CTSO: variants seen among roughly 807,000 people sequenced by gnomAD.
CTSO encodes cathepsin O.
In CTSO, 40 loss-of-function variants were observed where a neutral mutation model predicts 42.4. The observed-to-expected ratio is 0.94, with a 90% confidence interval of 0.73 to 1.23. The LOEUF is 1.23. CTSO is among the 50% of genes most tolerant of loss of function. The probability of loss-of-function intolerance (pLI) is 0.00; values close to 1 mark genes in which losing one functional copy is unlikely to be tolerated. For synonymous variants in CTSO, 156 were observed against 146.2 expected (o/e 1.07, Z -0.48); for missense variants, 441 against 396.0 (o/e 1.11, Z -0.96).
chr4:155,953,833 C>A lies in CTSO; in HGVS notation c.15G>T (p.Ala5=). 5 of 1,299,200 alleles carry A rather than the reference C, an allele frequency of 3.8e-6. No homozygotes were observed. Among genetic ancestry groups the A allele is most frequent in the South Asian group, 4.8e-5 (2 of 41,600 alleles). The allele number at this position is 1,299,200 out of a possible 1,614,324, so 80.5% of individuals were successfully genotyped here. The change falls in exon 1 of 8, where the codon GCG becomes GCT. Residue 5 remains alanine, a synonymous_variant. Transcript: ENST00000433477. MDVR[A]LPWLPWLLWL... ...ACAGCAGCCACGGCAGCCACGGCAG[C>A]GCCCGCACGTCCATTGCGGCGCCCG...
chr4:155,928,715 A>T (rs955732673), intron 6 of CTSO, among the ~76,000 whole-genome samples: 4 of 152,234 alleles, frequency 2.6e-5, no homozygotes, highest in Non-Finnish European at 5.9e-5. Flanking sequence ...TCAGAAAAAG[A>T]AAAAAGAACT....
rs947065360 is a variant in CTSO at position 155,953,756 on chromosome 4, G to T, written c.92C>A (p.Pro31Gln). ...GDADSRAPFT[P>Q]TWPRSREREA... ...ACGCTCGCGGCTCCGCGGCCAGGTC[G>T]GGGTGAAGGGGGCGCGGGAGTCCGC... Residue 31 changes from proline to glutamine, a missense_variant, in exon 1 of 8, where the codon CCG (proline) becomes CAG (glutamine). Pro to Gln is a moderately conservative substitution (Grantham distance 76). Transcript: ENST00000433477. 2.3e-6 allele frequency: 3 copies of T among 1,303,784 alleles called. No individual in the cohort carries two copies. The African/African-American group carries it at 4.6e-5, about 20-fold the overall frequency. 80.8% of individuals were successfully genotyped at this position (1,303,784 alleles called of 1,614,324 possible).
In CTSO at chr4:155,937,590, T is replaced by C. The variant is rs1743351968; in HGVS notation, c.553-107A>G. On this transcript the variant is annotated intron_variant, in intron 4 of 7. Coordinates refer to ENST00000433477, the MANE Select transcript of CTSO (RefSeq NM_001334.3). ...GGTTCAATTTCACACACCTTCATCA[T>C]GTGGATATACTTTGCGTTCTTTTTT... 5 of 1,018,870 alleles carry C rather than the reference T, an allele frequency of 4.9e-6. No homozygotes were observed. The East Asian group carries it at 7.3e-5, about 15-fold the overall frequency. 63.1% of individuals were successfully genotyped at this position (1,018,870 alleles called of 1,614,324 possible). A position where few individuals can be genotyped will look rare whatever the true frequency, so the allele number is the denominator to read the frequency against.
At chr4:155,938,057 G>A (rs1006466180) in intron 4 of CTSO, among the ~76,000 whole-genome samples, 2 of 152,036 alleles carry the variant, frequency 1.3e-5, no homozygotes, top group African/African-American at 2.4e-5. Flanking sequence ...CATGGATCTA[G>A]TAACAGTCTT....
At chr4:155,929,833 C>A (rs1743203600) in intron 5 of CTSO, 128 bp from the exon 6 acceptor site, 1 of 808,484 alleles carries the variant, frequency 1.2e-6, no homozygotes, top group Non-Finnish European at 1.9e-6. Context: ...ACAATGGAAG[C>A]TAAGTCTGAG....
intron 4 of CTSO, among the ~76,000 whole-genome samples, chr4:155,937,944 T>C (rs377287035): frequency 2.0e-5 from 3 of 152,278 alleles, no homozygotes; most frequent in African/African-American, 7.2e-5. Flanking sequence ...TATTATAAAT[T>C]AAATCTTTAG....
chr4:155,926,085 AG>A lies in CTSO; in HGVS notation c.932-16del, dbSNP rs10714400. The A allele has an allele frequency of 0.86, 1,313,707 of 1,536,212 alleles. 571,183 individuals are homozygous for A. The highest frequency in any genetic ancestry group is 0.89 in the East Asian group (38,969 of 43,550). ...ATCTGCAATACCTAAGGGAAAAAAA[AG>A]GAATTATTAGTCTATTTCCTCTTTA... On this transcript the variant is annotated splice_polypyrimidine_tract_variant and intron_variant, in intron 7 of 7. Transcript: ENST00000433477.
chr4:155,943,718 C>G (rs181215040), intron 1 of CTSO, among the ~76,000 whole-genome samples: 429 of 152,248 alleles, frequency 2.8e-3, no homozygotes, highest in Non-Finnish European at 4.7e-3. Flanking sequence ...GAAAAACAGA[C>G]TGGGTAAATA....
rs77727820 is a variant in CTSO at position 155,947,280 on chromosome 4, T to G, written c.136-4016A>C. On this transcript the variant is annotated intron_variant, in intron 1 of 7. Transcript: ENST00000433477. ...ATGGAGTAATACTGATCTGGAAGAATGTAAGGATGAAATAAAATAATAATT... is the reference window on the plus strand; with the variant it reads ...ATGGAGTAATACTGATCTGGAAGAAGGTAAGGATGAAATAAAATAATAATT... Among the ~76,000 whole-genome samples, 802 of 152,314 alleles carry G rather than the reference T, an allele frequency of 5.3e-3. 2 individuals carry two copies. Among genetic ancestry groups the G allele is most frequent in the Admixed American group, 9.1e-3 (139 of 15,300 alleles).
At position 155,931,361 on chromosome 4, in the gene CTSO, A is replaced by G. The variant is rs28538976; in HGVS notation, c.675-1656T>C. Among the ~76,000 whole-genome samples the G allele has an allele frequency of 6.2e-3, 951 of 152,308 alleles. 9 individuals carry two copies. Among genetic ancestry groups the G allele is most frequent in the African/African-American group, 0.022 (920 of 41,570 alleles). ...GATCCAGTTTCAGGGATACCAGGAG[A>G]AAAGCAGAAAGATCAAGAAGAAGGA... On this transcript the variant is annotated intron_variant, in intron 5 of 7. Coordinates refer to ENST00000433477, the MANE Select transcript of CTSO (RefSeq NM_001334.3).
chr4:155,926,888 G>A (rs986436846), intron 7 of CTSO, among the ~76,000 whole-genome samples: 25 of 152,178 alleles, frequency 1.6e-4, no homozygotes, highest in African/African-American at 5.3e-4. Context: ...ACTCCTGTAA[G>A]AGATTTGAAA....
chr4:155,939,530 T>A lies in CTSO; in HGVS notation c.393A>T (p.Gly131=). Residue 131 remains glycine (G), a synonymous_variant, in exon 4 of 8, where the codon GGA becomes GGT. Coordinates refer to ENST00000433477, the MANE Select transcript of CTSO (RefSeq NM_001334.3). ...TQVRNQQMCG[G]CWAFSVVGAV... ...CCCCCACCACGCTGAAGGCCCAGCA[T>A]CCTCCACACTGTTTAAAAACAGAAA... 6.2e-7 allele frequency: 1 copy of A among 1,611,732 alleles called. No individual in the cohort carries two copies. Among genetic ancestry groups the A allele is most frequent in the Middle Eastern group, 1.7e-4 (1 of 6,048 alleles).
chr4:155,926,892 T>G (rs1743138579), intron 7 of CTSO, among the ~76,000 whole-genome samples: 2 of 152,272 alleles, frequency 1.3e-5, no homozygotes, highest in African/African-American at 4.8e-5. Flanking sequence ...CTGTAAGAGA[T>G]TTGAAAGCAG....
Position 155,939,470 on chromosome 4 carries a change from G to A in CTSO, c.453C>T (p.Pro151=), listed in dbSNP as rs1174174520. 6.2e-7 allele frequency: 1 copy of A among 1,613,922 alleles called. No individual in the cohort carries two copies. The highest frequency in any genetic ancestry group is 8.5e-7 in the Non-Finnish European group (1 of 1,179,982). ...VESAYAIKGK[P]LEDLSVQQVI... ...CCTGCTGGACACTTAGGTCTTCCAGGGGCTTCCCCTTTATTGCATAAGCAG... is the reference window on the plus strand; with the variant it reads ...CCTGCTGGACACTTAGGTCTTCCAGAGGCTTCCCCTTTATTGCATAAGCAG... Residue 151 remains proline, a synonymous_variant, in exon 4 of 8, where the codon CCC becomes CCT. Transcript: ENST00000433477.
chr4:155,936,731 C>T (rs1743337979), intron 5 of CTSO, among the ~76,000 whole-genome samples: 1 of 152,132 alleles, frequency 6.6e-6, no homozygotes, highest in Admixed American at 6.5e-5. Context: ...AACACAAGTC[C>T]TTTTCCTCAG....
At chr4:155,939,861 T>A (rs950072323) in intron 3 of CTSO, among the ~76,000 whole-genome samples, 16 of 152,224 alleles carry the variant, frequency 1.1e-4, no homozygotes, top group African/African-American at 3.6e-4. Flanking sequence ...GTTCACTGAA[T>A]ATGTGACTTC....
chr4:155,938,038 T>C (rs1355875), intron 4 of CTSO, among the ~76,000 whole-genome samples: 61,452 of 152,012 alleles, frequency 0.4, 13,883 homozygotes, highest in East Asian at 0.72. Context: ...CATCCTTTTG[T>C]AGATCCTCCA....
chr4:155,946,238 A>G (rs1743544889), intron 1 of CTSO, among the ~76,000 whole-genome samples: 1 of 152,192 alleles, frequency 6.6e-6, no homozygotes, highest in South Asian at 2.1e-4. Context: ...AAACAAACTT[A>G]TACATCGTTG....
intron 5 of CTSO, among the ~76,000 whole-genome samples, chr4:155,930,610 A>G (rs1360037991): frequency 6.6e-6 from 1 of 152,166 alleles, no homozygotes; most frequent in Non-Finnish European, 1.5e-5. Context: ...ATAACATTTG[A>G]TAGTTTACTG....
Sources: gnomAD v4.1 joint callset for allele counts (sites outside exome capture counted in the v4.1 genomes callset) on GRCh38, gnomAD v4.1.1 for gene constraint, MANE v1.5 for transcripts, NCBI Gene and HGNC (gene_info 2026-07-23, HGNC 2026-07-21) for gene names.